Variants in CCDC175 observed in about 807,000 individuals in gnomAD.
CCDC175 encodes the protein coiled-coil domain containing 175, also known as coiled-coil domain-containing protein 175.
In CCDC175, 100 loss-of-function variants were observed where a neutral mutation model predicts 114.6. That is an observed-to-expected ratio of 0.87 (90% CI 0.74 to 1.03). The LOEUF (loss-of-function observed/expected upper bound fraction) is 1.03, where lower values mean the gene tolerates loss of function less well. CCDC175 is among the 50% of genes least tolerant of loss of function. The pLI, the probability that CCDC175 is intolerant of heterozygous loss-of-function variation, is 0.00. For synonymous variants in CCDC175, 306 were observed against 308.7 expected (o/e 0.99, Z 0.09); for missense variants, 880 against 917.8 (o/e 0.96, Z 0.53).
At chr14:59,538,002 T>C (rs1463171752) in intron 13 of CCDC175, 21 bp downstream of exon 13, 2 of 1,495,842 alleles carry the variant, frequency 1.3e-6, no homozygotes, top group Admixed American at 2.0e-5. Context: ...AAAGTATTCT[T>C]AGATGCAAAA....
rs1893431118 is a variant in CCDC175, at chr14:59,521,585, A to G, written c.2087T>C (p.Ile696Thr). Residue 696 changes from isoleucine (I) to threonine (T), a missense_variant, in exon 17 of 20, where the codon ATA (isoleucine) becomes ACA (threonine). By Grantham distance (89) the Ile-to-Thr change is moderately conservative. Coordinates refer to ENST00000537690, the MANE Select transcript of CCDC175 (RefSeq NM_001164399.2). ...HTSSDLSRQLIAQEAQYKDLW... is the reference protein window; with the variant it reads ...HTSSDLSRQLTAQEAQYKDLW... ...CACACATTACTTACCCTCCTGAGCT[A>G]TTAGTTGCCGAGACAAGTCGCTTGA... 6.5e-7 allele frequency: 1 copy of G among 1,527,316 alleles called. No homozygotes were observed. Among genetic ancestry groups the G allele is most frequent in the Non-Finnish European group, 8.8e-7 (1 of 1,137,832 alleles). The allele number at this position is 1,527,316 out of a possible 1,614,324, so 94.6% of individuals were successfully genotyped here.
chr14:59,541,172 G>A (rs571698854), intron 10 of CCDC175, among the ~76,000 whole-genome samples: 1 of 152,116 alleles, frequency 6.6e-6, no homozygotes, highest in Non-Finnish European at 1.5e-5. Context: ...GGACATGAAG[G>A]AAAGAATAAC....
At chr14:59,518,958 C>G (rs897381996) in intron 17 of CCDC175, among the ~76,000 whole-genome samples, 10 of 152,148 alleles carry the variant, frequency 6.6e-5, no homozygotes, top group African/African-American at 2.4e-4. Context: ...GAATATGGGG[C>G]ACATATACAG....
rs1896449824 is a variant in CCDC175, at chr14:59,565,106, CCT to C, written c.659_660del (p.Glu220GlyfsTer22). ...ALQKKCIQEA[E>X]ELMEKERAEY... ...TCTGCCCTTTCTTTTTCCATTAGCT[CCT>C]CTGCCTCTTGAATACATTTTTTTTG... On this transcript the variant is annotated frameshift_variant, in exon 5 of 20. Coordinates refer to ENST00000537690, the MANE Select transcript of CCDC175 (RefSeq NM_001164399.2). LOFTEE classifies it high-confidence loss of function. The C allele has an allele frequency of 6.5e-7, 1 of 1,537,680 alleles. No individual in the cohort carries two copies. The highest frequency in any genetic ancestry group is 8.7e-7 in the Non-Finnish European group (1 of 1,147,020).
In CCDC175 at chr14:59,574,990, C is replaced by T. The variant is rs1262779052; in HGVS notation, c.196G>A (p.Glu66Lys). Reference protein sequence around the residue: ...LQSDYFKCNEEAKIFLKDIAV... With the variant: ...LQSDYFKCNEKAKIFLKDIAV... ...ATGTCCTTAAGAAAGATCTTAGCTT[C>T]TTCATTACATTTAAAATAGTCACTT... Residue 66 changes from glutamate to lysine, a missense_variant, in exon 2 of 20, where the codon GAA becomes AAA. Glu to Lys is a moderately conservative substitution (Grantham distance 56). Transcript: ENST00000537690. The T allele has an allele frequency of 5.3e-6, 8 of 1,516,920 alleles. No homozygotes were observed. The highest frequency in any genetic ancestry group is 7.1e-6 in the Non-Finnish European group (8 of 1,133,384). 94.0% of individuals were successfully genotyped at this position (1,516,920 alleles called of 1,614,324 possible).
intron 17 of CCDC175, among the ~76,000 whole-genome samples, chr14:59,517,154 T>C (rs1259728367): frequency 6.6e-6 from 1 of 152,202 alleles, no homozygotes; most frequent in East Asian, 1.9e-4. Flanking sequence ...AAATTCGGTA[T>C]TGATGGGATG....
chr14:59,533,528 C>T (rs1411486364), intron 13 of CCDC175, among the ~76,000 whole-genome samples: 1 of 152,182 alleles, frequency 6.6e-6, no homozygotes, highest in East Asian at 1.9e-4. Context: ...TTAACTAATA[C>T]ACCGATATGC....
chr14:59,551,648 C>A (rs4243616), intron 7 of CCDC175, among the ~76,000 whole-genome samples: 1 of 151,890 alleles, frequency 6.6e-6, no homozygotes, highest in Non-Finnish European at 1.5e-5. Flanking sequence ...GCCCACTGAG[C>A]GAGAGCTGAA....
At chr14:59,548,539 C>T (rs1411527574) in intron 8 of CCDC175, among the ~76,000 whole-genome samples, 1 of 152,158 alleles carries the variant, frequency 6.6e-6, no homozygotes, top group African/African-American at 2.4e-5. Flanking sequence ...TAAGCCATGC[C>T]AGTTTAGGGG....
intron 5 of CCDC175, chr14:59,564,249 AT>A: frequency 6.5e-6 from 1 of 153,324 alleles, no homozygotes. Context: ...TGAAGAAATT[AT>A]CTGGGAATCT....
chr14:59,519,377 A>G (rs1893295312), intron 17 of CCDC175, among the ~76,000 whole-genome samples: 1 of 152,228 alleles, frequency 6.6e-6, no homozygotes, highest in Non-Finnish European at 1.5e-5. Flanking sequence ...TGAAACTAAA[A>G]AAATTATACA....
rs144272286 is a variant in CCDC175, at chr14:59,520,290, AT to A, written c.2098+1283del. 4.3e-4 allele frequency among the ~76,000 whole-genome samples: 65 copies of A among 152,292 alleles called. 1 individual carries two copies. In the East Asian group the frequency reaches 4.4e-3, roughly 10 times the overall value. ...TATTAAAATGACCAAAATATTAACA[AT>A]TTAAAGCGTTTTCACCATTTTAAGT... On this transcript the variant is annotated intron_variant, in intron 17 of 19. Coordinates refer to ENST00000537690, the MANE Select transcript of CCDC175 (RefSeq NM_001164399.2).
intron 7 of CCDC175, among the ~76,000 whole-genome samples, chr14:59,552,880 A>G (rs1193251478): frequency 6.6e-6 from 1 of 152,232 alleles, no homozygotes; most frequent in Non-Finnish European, 1.5e-5. Flanking sequence ...TTGAAATCAA[A>G]TGAATGAAAT....
At chr14:59,527,965 C>T (rs1893847757) in intron 14 of CCDC175, among the ~76,000 whole-genome samples, 1 of 151,960 alleles carries the variant, frequency 6.6e-6, no homozygotes, top group Non-Finnish European at 1.5e-5. Flanking sequence ...TGTCGGACCT[C>T]CTGTTTCCTA....
chr14:59,513,122 T>C (rs927824580), intron 17 of CCDC175, among the ~76,000 whole-genome samples: 2 of 152,216 alleles, frequency 1.3e-5, no homozygotes, highest in Non-Finnish European at 2.9e-5. Context: ...TGGATGTGTG[T>C]AAGAGAAAAC....
rs2140048715 is a variant in CCDC175 at position 59,544,369 on chromosome 14, A to C, written c.1172+794T>G. Among the ~76,000 whole-genome samples, 4 of 152,162 alleles carry C rather than the reference A, an allele frequency of 2.6e-5. No homozygotes were observed. In the South Asian group the frequency reaches 8.3e-4, roughly 32 times the overall value. ...TTTTAGTAGAGATGGGGTTTCAAGTAGTTATTTTTTTGTCTCAAATTGCAG... is the reference window on the plus strand; with the variant it reads ...TTTTAGTAGAGATGGGGTTTCAAGTCGTTATTTTTTTGTCTCAAATTGCAG... On this transcript the variant is annotated intron_variant, in intron 9 of 19. Transcript: ENST00000537690.
chr14:59,509,087 T>C (rs533085755), intron 19 of CCDC175, among the ~76,000 whole-genome samples: 4 of 152,322 alleles, frequency 2.6e-5, no homozygotes, highest in East Asian at 3.9e-4. Flanking sequence ...AAAGGAAATA[T>C]GATATTAGTA....
intron 1 of CCDC175, 144 bp downstream of exon 1, chr14:59,576,475 C>T: frequency 1.3e-6 from 1 of 770,292 alleles, no homozygotes; most frequent in Non-Finnish European, 1.8e-6. Flanking sequence ...TCTCCCCAGC[C>T]TCCAAGGAGC....
intron 8 of CCDC175, among the ~76,000 whole-genome samples, chr14:59,550,598 C>G (rs1438744583): frequency 6.6e-6 from 1 of 152,060 alleles, no homozygotes; most frequent in Non-Finnish European, 1.5e-5. Flanking sequence ...AGTATTAACT[C>G]ACACAATCAC....
Sources: allele counts gnomAD v4.1 joint callset (sites outside exome capture counted in the v4.1 genomes callset), GRCh38; gene constraint gnomAD v4.1.1; transcripts MANE v1.5; gene names NCBI Gene and HGNC (gene_info 2026-07-23, HGNC 2026-07-21).